Variants in NIBAN2 observed in about 807,000 individuals in gnomAD.
The protein encoded by NIBAN2 is niban apoptosis regulator 2.
In NIBAN2, 36 loss-of-function variants were observed where a neutral mutation model predicts 81.8. The ratio of observed to expected loss-of-function variants is 0.44; its 90% confidence interval spans 0.34 to 0.58. NIBAN2 has a LOEUF of 0.58. Ranked by LOEUF, NIBAN2 falls within the 20% of genes least tolerant of loss-of-function variation. NIBAN2 has a pLI of 0.02. For missense variants in NIBAN2, 897 were observed against 1,014.1 expected (o/e 0.88, Z 1.57); for synonymous variants, 445 against 441.6 (o/e 1.01, Z -0.10).
At chr9:127,528,142 G>T (rs1292051364) in intron 2 of NIBAN2, among the ~76,000 whole-genome samples, 1 of 152,206 alleles carries the variant, frequency 6.6e-6, no homozygotes, top group East Asian at 1.9e-4. Flanking sequence ...GACCACTACG[G>T]TAGGACTCAG....
intron 5 of NIBAN2, among the ~76,000 whole-genome samples, chr9:127,518,611 A>G (rs1402992656): frequency 6.6e-6 from 1 of 152,266 alleles, no homozygotes; most frequent in Non-Finnish European, 1.5e-5. Flanking sequence ...ATCTGGGCCC[A>G]TAGGCCATAG....
rs888209976 is a variant in NIBAN2, at chr9:127,563,803, C to G, written c.55+5017G>C. Among the ~76,000 whole-genome samples, 3 of 152,084 alleles carry G rather than the reference C, an allele frequency of 2.0e-5. No individual in the cohort carries two copies. The highest frequency in any genetic ancestry group is 4.4e-5 in the Non-Finnish European group (3 of 68,028). On this transcript the variant is annotated intron_variant, in intron 1 of 13. Transcript: ENST00000373312. This position sits in a 1 kb window ranked among gnomAD's most constrained non-coding sequence, Gnocchi z 4.1. The stretch of plus-strand genomic sequence containing the variant: ...CGCTGGAATTACAAGCGTGAGTCAC[C>G]GCGCCCAGCAGAGAGGTAAGTTTTT...
At chr9:127,538,453 C>G (rs1189542368) in intron 1 of NIBAN2, among the ~76,000 whole-genome samples, 1 of 152,156 alleles carries the variant, frequency 6.6e-6, no homozygotes, top group African/African-American at 2.4e-5. Context: ...GTGAGTGTCA[C>G]ATGGCTATTT....
chr9:127,565,018 T>C (rs1411602624), intron 1 of NIBAN2, among the ~76,000 whole-genome samples: 1 of 152,202 alleles, frequency 6.6e-6, no homozygotes, highest in Non-Finnish European at 1.5e-5. Context: ...TCATGTTTTA[T>C]TTTACCCTCC....
chr9:127,577,095 G>A (rs557831612), intron 1 of NIBAN2, among the ~76,000 whole-genome samples: 18 of 151,634 alleles, frequency 1.2e-4, no homozygotes, highest in African/African-American at 3.9e-4. Flanking sequence ...ATCACCTGAG[G>A]TCGGGAGTTT....
At chr9:127,527,736 G>C (rs1417302116) in intron 2 of NIBAN2, among the ~76,000 whole-genome samples, 1 of 152,224 alleles carries the variant, frequency 6.6e-6, no homozygotes, top group African/African-American at 2.4e-5. Context: ...CTCCGGGCAC[G>C]GGGGACACAC....
At chr9:127,567,372 C>T (rs1837876063) in intron 1 of NIBAN2, among the ~76,000 whole-genome samples, 1 of 152,186 alleles carries the variant, frequency 6.6e-6, no homozygotes, top group Non-Finnish European at 1.5e-5. Context: ...CAGGCCTGGT[C>T]GGATAAGGAG....
chr9:127,527,269 C>G lies in NIBAN2; in HGVS notation c.240G>C (p.Glu80Asp). 6.2e-7 allele frequency: 1 copy of G among 1,613,994 alleles called. No homozygotes were observed. The highest frequency in any genetic ancestry group is 1.1e-5 in the South Asian group (1 of 91,078). ...AGCGGTTTCTCCACTTCTTGCTGTCCTCCTGGTGCTGGAAGAGGTTCCCCG... is the reference window on the plus strand; with the variant it reads ...AGCGGTTTCTCCACTTCTTGCTGTCGTCCTGGTGCTGGAAGAGGTTCCCCG... Reference protein sequence around the residue: ...VFSGNLFQHQEDSKKWRNRFS... With the variant: ...VFSGNLFQHQDDSKKWRNRFS... The change falls in exon 3 of 14, where the codon GAG (glutamate) becomes GAC (aspartate). Residue 80 changes from glutamate (E) to aspartate (D), a missense_variant. Coordinates refer to ENST00000373312, the MANE Select transcript of NIBAN2 (RefSeq NM_022833.4).
At chr9:127,537,441 T>C (rs1234805739) in intron 1 of NIBAN2, among the ~76,000 whole-genome samples, 1 of 152,200 alleles carries the variant, frequency 6.6e-6, no homozygotes, top group Non-Finnish European at 1.5e-5. Context: ...CCAATAAAGA[T>C]TTGTTTTCTG....
At chr9:127,511,720 G>GA (rs1172088511) in intron 8 of NIBAN2, among the ~76,000 whole-genome samples, 2 of 151,996 alleles carry the variant, frequency 1.3e-5, no homozygotes, top group African/African-American at 4.8e-5. Flanking sequence ...AAGTCTATAG[G>GA]AAAAAAATCC....
rs1476158787 is a variant in NIBAN2 at position 127,545,208 on chromosome 9, C to T, written c.56-13430G>A. Among the ~76,000 whole-genome samples the T allele has an allele frequency of 6.6e-6, 1 of 152,134 alleles. No homozygotes were observed. The highest frequency in any genetic ancestry group is 1.5e-5 in the Non-Finnish European group (1 of 68,028). On this transcript the variant is annotated intron_variant, in intron 1 of 13. Coordinates refer to ENST00000373312, the MANE Select transcript of NIBAN2 (RefSeq NM_022833.4). This position sits in a 1 kb window ranked among gnomAD's most constrained non-coding sequence, Gnocchi z 4.7. ...GCCTGGCCAACTCCTCTTTCTCCTCCCCAGGCTCAAGTGCCACCTCCTCGG... is the reference window on the plus strand; with the variant it reads ...GCCTGGCCAACTCCTCTTTCTCCTCTCCAGGCTCAAGTGCCACCTCCTCGG...
At chr9:127,554,937 A>C (rs949514697) in intron 1 of NIBAN2, among the ~76,000 whole-genome samples, 1 of 151,884 alleles carries the variant, frequency 6.6e-6, no homozygotes, top group African/African-American at 2.4e-5. Context: ...ACTGTAAAAA[A>C]ACAAAAAACA....
At chr9:127,578,675 A>AAAAG (rs1554771284) in intron 1 of NIBAN2, among the ~76,000 whole-genome samples, 3 of 146,562 alleles carry the variant, frequency 2.0e-5, no homozygotes, top group East Asian at 4.0e-4. Context: ...CCTAAAAAAA[A>AAAAG]AAAAGAAAAG....
chr9:127,577,436 C>G (rs561246527), intron 1 of NIBAN2, among the ~76,000 whole-genome samples: 1,811 of 148,322 alleles, frequency 0.012, 28 homozygotes, highest in African/African-American at 0.042. Flanking sequence ...CCACACCATC[C>G]TCCAGATCCA....
At chr9:127,511,727 A>C (rs112632196) in intron 8 of NIBAN2, among the ~76,000 whole-genome samples, 2 of 152,230 alleles carry the variant, frequency 1.3e-5, no homozygotes, top group African/African-American at 4.8e-5. Context: ...TAGGAAAAAA[A>C]TCCTAGTAAT....
intron 9 of NIBAN2, 36 bp downstream of exon 9, chr9:127,510,110 C>A: frequency 6.3e-7 from 1 of 1,577,648 alleles, no homozygotes; most frequent in Non-Finnish European, 8.6e-7. Flanking sequence ...GACCTACTCT[C>A]AGGAGACCCC....
intron 1 of NIBAN2, among the ~76,000 whole-genome samples, chr9:127,575,463 T>C (rs1459041768): frequency 2.0e-5 from 3 of 150,832 alleles, no homozygotes; most frequent in African/African-American, 7.3e-5. Flanking sequence ...CCTGACCTCG[T>C]GATCCACCCA....
chr9:127,509,019 C>T lies in NIBAN2; in HGVS notation c.1274G>A (p.Ser425Asn). 3 of 1,613,982 alleles carry T rather than the reference C, an allele frequency of 1.9e-6. No individual in the cohort carries two copies. Among genetic ancestry groups the T allele is most frequent in the Non-Finnish European group, 2.5e-6 (3 of 1,179,990 alleles). Residue 425 changes from serine (S) to asparagine (N), a missense_variant, in exon 10 of 14, where the codon AGC (serine) becomes AAC (asparagine). Transcript: ENST00000373312. ...DGLQQRFDVSSTSVFKQRAQI... is the reference protein window; with the variant it reads ...DGLQQRFDVSNTSVFKQRAQI... ...GGCTCGCTGCTTGAACACGGACGTG[C>T]TGGACACATCAAATCGCTGCTGCAG...
chr9:127,567,227 C>G (rs1417809639), intron 1 of NIBAN2, among the ~76,000 whole-genome samples: 1 of 152,106 alleles, frequency 6.6e-6, no homozygotes, highest in Middle Eastern at 3.4e-3. Flanking sequence ...GAATGCAAGG[C>G]ACACCCCACC....
Sources: gnomAD v4.1 joint callset for allele counts (sites outside exome capture counted in the v4.1 genomes callset) on GRCh38, gnomAD v4.1.1 for gene constraint, Gnocchi (gnomAD v3.1) non-coding constraint, MANE v1.5 for transcripts, NCBI Gene and HGNC (gene_info 2026-07-23, HGNC 2026-07-21) for gene names.